Variants in SP140 observed in about 807,000 individuals in gnomAD.
The protein encoded by SP140 is SP140 nuclear body protein.
In SP140, 81 loss-of-function variants were observed where a neutral mutation model predicts 125.0. The observed-to-expected ratio is 0.65, with a 90% CI of 0.54 to 0.78. SP140 has a LOEUF of 0.78. SP140 is among the 30% of genes least tolerant of loss of function. The pLI is 0.00. For missense variants in SP140, 858 were observed against 1,037.0 expected, an observed-to-expected ratio of 0.83 and a Z score of 2.37; for synonymous variants, 312 against 354.0, an observed-to-expected ratio of 0.88 and a Z score of 1.33.
intron 1 of SP140, among the ~76,000 whole-genome samples, chr2:230,209,217 T>A (rs2148903072): frequency 6.6e-6 from 1 of 152,154 alleles, no homozygotes; most frequent in East Asian, 1.9e-4. Flanking sequence ...GACGATAGGG[T>A]CTATAGCTTG....
intron 15 of SP140, among the ~76,000 whole-genome samples, chr2:230,279,202 A>G (rs2055166824): frequency 6.6e-6 from 1 of 152,190 alleles, no homozygotes; most frequent in Admixed American, 6.6e-5. Flanking sequence ...TCTCATGTTC[A>G]TGAACTGGAA....
Position 230,243,817 on chromosome 2 carries a change from G to A in SP140, c.571+6G>A. On this transcript the variant is annotated splice_donor_region_variant and intron_variant, in intron 5 of 26. Coordinates refer to ENST00000392045, the MANE Select transcript of SP140 (RefSeq NM_007237.5). ...CTCGCCAAGGTGTGAGCCAGGTAAG[G>A]AAGGAGTGACTTGCTCTCCCTGACC... is the stretch of plus-strand genomic sequence containing the variant. The A allele has an allele frequency of 1.2e-6, 2 of 1,605,764 alleles. No homozygotes were observed. Among genetic ancestry groups the A allele is most frequent in the Admixed American group, 3.3e-5 (2 of 59,950 alleles).
At chr2:230,315,587 C>G (rs561278714), downstream of SP140, among the ~76,000 whole-genome samples, 254 of 152,200 alleles carry the variant, frequency 1.7e-3, no homozygotes, top group African/African-American at 6.0e-3. Context: ...AATTGGCTGA[C>G]CCGGTTCCTT....
At chr2:230,294,625 G>A (rs977547480) in intron 21 of SP140, among the ~76,000 whole-genome samples, 2 of 152,204 alleles carry the variant, frequency 1.3e-5, no homozygotes, top group African/African-American at 4.8e-5. Context: ...AAGTTGGAAA[G>A]TCAAGCATGG....
At chr2:230,221,410 T>TA (rs1331182436), upstream of SP140, among the ~76,000 whole-genome samples, 4 of 152,216 alleles carry the variant, frequency 2.6e-5, no homozygotes, top group Non-Finnish European at 5.9e-5. Context: ...GACATGGATC[T>TA]AAAGTTTAAG....
intron 12 of SP140, among the ~76,000 whole-genome samples, chr2:230,265,766 G>A (rs2149324902): frequency 7.0e-6 from 1 of 142,594 alleles, no homozygotes; most frequent in East Asian, 2.0e-4. Flanking sequence ...TCCCACTTCT[G>A]CAGTTGGGGC....
At chr2:230,226,447 G>T (rs535552158) in intron 1 of SP140, among the ~76,000 whole-genome samples, 1 of 152,144 alleles carries the variant, frequency 6.6e-6, no homozygotes, top group African/African-American at 2.4e-5. Context: ...AACAAAAAAG[G>T]CAAGCAGGTA....
chr2:230,240,652 A>G (rs1271006416), intron 3 of SP140, among the ~76,000 whole-genome samples: 3 of 152,230 alleles, frequency 2.0e-5, no homozygotes, highest in Non-Finnish European at 4.4e-5. Flanking sequence ...AAAAAGACTG[A>G]CAATACCAAG....
chr2:230,226,921 A>G (rs2046507573), intron 1 of SP140, among the ~76,000 whole-genome samples: 2 of 152,204 alleles, frequency 1.3e-5, no homozygotes, highest in Admixed American at 6.5e-5. Flanking sequence ...AATTTAAAAT[A>G]CAGTATAACT....
chr2:230,278,005 G>T (rs1443873554), intron 15 of SP140, among the ~76,000 whole-genome samples: 1 of 152,066 alleles, frequency 6.6e-6, no homozygotes, highest in Non-Finnish European at 1.5e-5. Context: ...ACCCCAAAGT[G>T]AGATTTCTGG....
rs936945330 is a variant in SP140, at chr2:230,238,639, T to C, written c.406+258T>C. 3 of 878,504 alleles carry C rather than the reference T, an allele frequency of 3.4e-6. 1 individual carries two copies. In the South Asian group the frequency reaches 5.2e-5, roughly 15 times the overall value. The allele number at this position is 878,504 out of a possible 1,614,324, so 54.4% of individuals were successfully genotyped here. On this transcript the variant is annotated intron_variant, in intron 3 of 26. Coordinates refer to ENST00000392045, the MANE Select transcript of SP140 (RefSeq NM_007237.5). ...GACTTGATTTTGATGCTGTAAAACA[T>C]AGGGTTGAAGTCTCTATTTTTTTGA...
intron 1 of SP140, among the ~76,000 whole-genome samples, chr2:230,226,586 A>G (rs566236360): frequency 2.0e-5 from 3 of 152,262 alleles, no homozygotes; most frequent in East Asian, 1.9e-4. Context: ...AACGTGGAGA[A>G]ACCCTGTCTT....
At position 230,206,595 on chromosome 2, in the gene SP140, T is replaced by TTATATATATATATATATATA. The variant is rs56817002; in HGVS notation, c.-323+3340_-323+3359dup. ...TATTATATATTATCTGGTCCAGATT[T>TTATATATATATATATATATA]TATATATATATATATATATATATAT... On this transcript the variant is annotated intron_variant, in intron 1 of 4. Transcript: ENST00000456542. Among the ~76,000 whole-genome samples, 70 of 70,468 alleles carry TTATATATATATATATATATA rather than the reference T, an allele frequency of 9.9e-4. 4 individuals are homozygous for TTATATATATATATATATATA. Among genetic ancestry groups the TTATATATATATATATATATA allele is most frequent in the Admixed American group, 2.3e-3 (13 of 5,678 alleles). The allele number at this position is 70,468 out of a possible 152,430, so 46.2% of individuals were successfully genotyped here. A position where few individuals can be genotyped will look rare whatever the true frequency, so the allele number is the denominator to read the frequency against.
chr2:230,205,673 T>A (rs1254451080), intron 1 of SP140, among the ~76,000 whole-genome samples: 1 of 152,194 alleles, frequency 6.6e-6, no homozygotes, highest in Non-Finnish European at 1.5e-5. Context: ...TTGGAATAAA[T>A]GTCTGAATGG....
intron 1 of SP140, among the ~76,000 whole-genome samples, chr2:230,205,193 T>G (rs779738348): frequency 7.2e-5 from 11 of 152,256 alleles, no homozygotes; most frequent in Non-Finnish European, 1.6e-4. Flanking sequence ...ATGACTAAGG[T>G]TTTTGCTTGG....
rs2059434639 is a variant in SP140 at position 230,312,924 on chromosome 2, G to C, written c.*240G>C. The C allele has an allele frequency of 2.5e-6, 1 of 395,570 alleles. No homozygotes were observed. Among genetic ancestry groups the C allele is most frequent in the African/African-American group, 2.1e-5 (1 of 47,400 alleles). 24.5% of individuals were successfully genotyped at this position (395,570 alleles called of 1,614,324 possible). A position where few individuals can be genotyped will look rare whatever the true frequency, so the allele number is the denominator to read the frequency against. On this transcript the variant is annotated 3_prime_UTR_variant, in exon 27 of 27. Transcript: ENST00000392045. ...AGTGGGATCACAGGGAAGGATGTTG[G>C]CAGCGACACCATCCCATACAGGCTC...
intron 22 of SP140, among the ~76,000 whole-genome samples, chr2:230,304,529 C>A (rs1647347710): frequency 6.6e-6 from 1 of 152,188 alleles, no homozygotes; most frequent in Non-Finnish European, 1.5e-5. Flanking sequence ...GTCACCCAAA[C>A]AACATAGTCC....
intron 15 of SP140, among the ~76,000 whole-genome samples, chr2:230,277,544 A>G (rs1312633642): frequency 6.6e-6 from 1 of 152,176 alleles, no homozygotes; most frequent in Non-Finnish European, 1.5e-5. Context: ...TTTCTAAGAT[A>G]TGCCTGTATC....
chr2:230,244,160 G>A (rs567204713), intron 5 of SP140, among the ~76,000 whole-genome samples: 4 of 152,152 alleles, frequency 2.6e-5, no homozygotes, highest in East Asian at 1.9e-4. Flanking sequence ...CCAACTACTC[G>A]AAAAACTAAA....
Sources: allele counts gnomAD v4.1 joint callset (sites outside exome capture counted in the v4.1 genomes callset), GRCh38; gene constraint gnomAD v4.1.1; transcripts MANE v1.5; gene names NCBI Gene and HGNC (gene_info 2026-07-23, HGNC 2026-07-21).